ANKRD22: variants seen among roughly 807,000 people sequenced by gnomAD.
ANKRD22 encodes ankyrin repeat domain 22.
A neutral mutation model predicts 25.7 loss-of-function variants in ANKRD22; 24 were observed. The ratio of observed to expected loss-of-function variants is 0.93; its 90% CI spans 0.68 to 1.31. The LOEUF is 1.31. Ranked by LOEUF, ANKRD22 falls within the 50% of genes most tolerant of loss-of-function variation. The pLI is 0.00. For synonymous variants in ANKRD22, 84 were observed against 84.3 expected (o/e 1.00, Z 0.02); for missense variants, 214 against 227.1 (o/e 0.94, Z 0.37).
At chr10:88,844,922 G>A (rs1198347694) in intron 1 of ANKRD22, among the ~76,000 whole-genome samples, 1 of 152,042 alleles carries the variant, frequency 6.6e-6, no homozygotes, top group African/African-American at 2.4e-5. Flanking sequence ...TGATAATAGT[G>A]GAGATGAGCT....
intron 2 of ANKRD22, 70 bp downstream of exon 2, chr10:88,831,765 A>T: frequency 7.0e-6 from 10 of 1,427,780 alleles, no homozygotes; most frequent in Non-Finnish European, 9.3e-6. Context: ...GACATGCACC[A>T]CTTCTAGTGA....
At position 88,823,008 on chromosome 10, in the gene ANKRD22, C is replaced by A; in HGVS notation, c.509G>T (p.Ser170Ile). The part of the protein sequence containing the change: ...DPTIKNKHGE[S>I]SLDIARRLKF... Reference sequence around the variant, plus strand: ...TAATCTCCGTGCAATATCCAGTGAGCTCTCACCATGCTGAGGGGGGAAAAA... The same window carrying A: ...TAATCTCCGTGCAATATCCAGTGAGATCTCACCATGCTGAGGGGGGAAAAA... The change falls in exon 6 of 6, where the codon AGC (serine) becomes ATC (isoleucine). Residue 170 changes from serine to isoleucine, a missense_variant. Coordinates refer to ENST00000371930, the MANE Select transcript of ANKRD22 (RefSeq NM_144590.3). The A allele has an allele frequency of 1.2e-6, 2 of 1,613,488 alleles. No homozygotes were observed. Among genetic ancestry groups the A allele is most frequent in the South Asian group, 1.1e-5 (1 of 91,068 alleles).
intron 2 of ANKRD22, among the ~76,000 whole-genome samples, chr10:88,829,157 T>C (rs909482640): frequency 1.3e-5 from 2 of 152,220 alleles, no homozygotes; most frequent in Non-Finnish European, 2.9e-5. Flanking sequence ...TCTTCAAATA[T>C]GTGAATACTT....
intron 1 of ANKRD22, among the ~76,000 whole-genome samples, chr10:88,843,753 G>T (rs1447374798): frequency 6.6e-6 from 1 of 152,156 alleles, no homozygotes. Flanking sequence ...AGAATTATTT[G>T]TGTCTGGCCT....
intron 1 of ANKRD22, among the ~76,000 whole-genome samples, chr10:88,838,753 A>C (rs1329732238): frequency 6.6e-6 from 1 of 152,136 alleles, no homozygotes; most frequent in African/African-American, 2.4e-5. Context: ...CAGAGATTTC[A>C]AGTAAGAAAT....
chr10:88,831,952 G>C lies in ANKRD22; in HGVS notation c.96C>G (p.Ala32=). The change falls in exon 2 of 6, where the codon GCC becomes GCG. Residue 32 remains alanine, a synonymous_variant. Transcript: ENST00000371930. ...CTCCATTAAAGCCATCTTGAACGTT[G>C]GCATAGCTGCTGTCTTCTTTCACCC... ...WRWVKEDSSY[A]NVQDGFNGDT... is the part of the protein sequence containing the mutation. 1 of 1,613,880 alleles carries C rather than the reference G, an allele frequency of 6.2e-7. No homozygotes were observed. The highest frequency in any genetic ancestry group is 8.5e-7 in the Non-Finnish European group (1 of 1,179,906).
At chr10:88,825,007 T>TCACACACA (rs568461484) in intron 4 of ANKRD22, among the ~76,000 whole-genome samples, 7,195 of 115,074 alleles carry the variant, frequency 0.063, 249 homozygotes, top group Non-Finnish European at 0.099. Context: ...TCTCTCTCTC[T>TCACACACA]CTCTCACACA....
chr10:88,823,246 G>C (rs1843817977), intron 5 of ANKRD22, 34 bp downstream of exon 5: 2 of 1,551,372 alleles, frequency 1.3e-6, no homozygotes, highest in Middle Eastern at 1.7e-4. Context: ...GCTGCTGCTA[G>C]AGGAACCTCA....
chr10:88,826,201 A>C lies in ANKRD22; in HGVS notation c.322-86T>G, dbSNP rs1843854739. 6 of 1,160,248 alleles carry C rather than the reference A, an allele frequency of 5.2e-6. No individual in the cohort carries two copies. The Admixed American group carries it at 5.9e-5, about 11-fold the overall frequency. 71.9% of individuals were successfully genotyped at this position (1,160,248 alleles called of 1,614,324 possible). A position where few individuals can be genotyped will look rare whatever the true frequency, so the allele number is the denominator to read the frequency against. On this transcript the variant is annotated intron_variant, in intron 3 of 5. Coordinates refer to ENST00000371930, the MANE Select transcript of ANKRD22 (RefSeq NM_144590.3). Reference sequence around the variant, plus strand: ...TGAGACTATTTAATCAATAGGCTTCATTTTAATCCCAACACTCCTATGCAT... The same window carrying C: ...TGAGACTATTTAATCAATAGGCTTCCTTTTAATCCCAACACTCCTATGCAT...
intron 1 of ANKRD22, among the ~76,000 whole-genome samples, chr10:88,851,148 T>C (rs1844100734): frequency 6.6e-6 from 1 of 152,136 alleles, no homozygotes; most frequent in South Asian, 2.1e-4. Context: ...AAGGTGAATC[T>C]CCCTTCAAAT....
chr10:88,823,590 G>A (rs1288883365), intron 4 of ANKRD22: 2 of 443,490 alleles, frequency 4.5e-6, no homozygotes. Flanking sequence ...CACTTTGGGA[G>A]GCCGAGGCGG....
chr10:88,825,947 G>A, intron 4 of ANKRD22, 91 bp downstream of exon 4: 1 of 1,101,192 alleles, frequency 9.1e-7, no homozygotes, highest in South Asian at 1.5e-5. Flanking sequence ...AAATTGTCTA[G>A]GAAAATAAAG....
In ANKRD22 at chr10:88,822,560, T is replaced by TTTTTTTTTTTTTTTTTTTTTTTTTTTTTG. The variant is rs1843810280; in HGVS notation, c.*380_*381insCAAAAAAAAAAAAAAAAAAAAAAAAAAAA. Reference sequence around the variant, plus strand: ...ACACCAGGGCTTTTTTTTTTTTTTTTTTTTTTGAGACAGGGTCTCGCTGTG... The same window carrying TTTTTTTTTTTTTTTTTTTTTTTTTTTTTG: ...ACACCAGGGCTTTTTTTTTTTTTTTTTTTTTTTTTTTTTTTTTTTTTTTTTTTTGTTTTTTGAGACAGGGTCTCGCTGTG... On this transcript the variant is annotated 3_prime_UTR_variant, in exon 6 of 6. Coordinates refer to ENST00000371930, the MANE Select transcript of ANKRD22 (RefSeq NM_144590.3). The TTTTTTTTTTTTTTTTTTTTTTTTTTTTTG allele has an allele frequency of 8.1e-6, 1 of 123,846 alleles. No individual in the cohort carries two copies. Among genetic ancestry groups the TTTTTTTTTTTTTTTTTTTTTTTTTTTTTG allele is most frequent in the Admixed American group, 8.5e-5 (1 of 11,832 alleles). 7.7% of individuals were successfully genotyped at this position (123,846 alleles called of 1,614,324 possible).
intron 2 of ANKRD22, among the ~76,000 whole-genome samples, chr10:88,830,515 T>C (rs924703700): frequency 6.6e-6 from 1 of 152,364 alleles, no homozygotes; most frequent in Middle Eastern, 3.4e-3. Flanking sequence ...TTCAAATTAT[T>C]AATGTACAAA....
Position 88,822,246 on chromosome 10 carries a change from A to C in ANKRD22, c.*695T>G, listed in dbSNP as rs1843804179. ...CAATTTCTGTGGTGTAAACACACTC[A>C]CCGCTGACACTTGATAGATGTTTTT... is the stretch of plus-strand genomic sequence containing the variant. On this transcript the variant is annotated 3_prime_UTR_variant, in exon 6 of 6. Transcript: ENST00000371930. 2 of 152,216 alleles carry C rather than the reference A, an allele frequency of 1.3e-5. No homozygotes were observed. The highest frequency in any genetic ancestry group is 1.5e-5 in the Non-Finnish European group (1 of 68,034). 9.4% of individuals were successfully genotyped at this position (152,216 alleles called of 1,614,324 possible). A position where few individuals can be genotyped will look rare whatever the true frequency, so the allele number is the denominator to read the frequency against.
intron 2 of ANKRD22, among the ~76,000 whole-genome samples, chr10:88,831,325 T>G (rs902215628): frequency 2.0e-5 from 3 of 152,232 alleles, no homozygotes; most frequent in African/African-American, 7.2e-5. Context: ...TTTGTGTGAC[T>G]TCAAGTAACC....
At chr10:88,836,009 TATA>T (rs1843950955) in intron 1 of ANKRD22, among the ~76,000 whole-genome samples, 2 of 152,178 alleles carry the variant, frequency 1.3e-5, no homozygotes, top group Admixed American at 6.5e-5. Flanking sequence ...GGGAAATTAT[TATA>T]ATAACTCTAT....
intron 1 of ANKRD22, among the ~76,000 whole-genome samples, chr10:88,844,640 C>T (rs751812034): frequency 6.6e-6 from 1 of 151,876 alleles, no homozygotes; most frequent in Non-Finnish European, 1.5e-5. Flanking sequence ...TCTAAGGAAT[C>T]TTTATGGTTA....
At chr10:88,835,009 C>T (rs923484490) in intron 1 of ANKRD22, among the ~76,000 whole-genome samples, 1 of 152,066 alleles carries the variant, frequency 6.6e-6, no homozygotes, top group Non-Finnish European at 1.5e-5. Flanking sequence ...TACCAAATAA[C>T]TGGTGCTTAG....
Sources: gnomAD v4.1 joint callset for allele counts (sites outside exome capture counted in the v4.1 genomes callset) on GRCh38, gnomAD v4.1.1 for gene constraint, MANE v1.5 for transcripts, NCBI Gene and HGNC (gene_info 2026-07-23, HGNC 2026-07-21) for gene names.